OTUD7A: variants seen among roughly 807,000 people sequenced by gnomAD.
The protein encoded by OTUD7A is OTU deubiquitinase 7A.
Under a neutral mutation model 65.7 loss-of-function variants are expected in OTUD7A, and 12 were observed. The ratio of observed to expected loss-of-function variants is 0.18; its 90% CI spans 0.12 to 0.30. The LOEUF (loss-of-function observed/expected upper bound fraction) is 0.30. Among genes scored for constraint, OTUD7A ranks in the 10% least tolerant of loss-of-function variants. The pLI is 1.00. For synonymous variants in OTUD7A, 641 were observed against 586.3 expected, an observed-to-expected ratio of 1.09 and a Z score of -1.35; for missense variants, 1,148 against 1,304.8, an observed-to-expected ratio of 0.88 and a Z score of 1.85.
chr15:31,741,362 C>T (rs956414101), intron 1 of OTUD7A, among the ~76,000 whole-genome samples: 5 of 152,100 alleles, frequency 3.3e-5, no homozygotes, highest in Admixed American at 6.5e-5. Context: ...TAAGTTCTAG[C>T]GTACATGTGC....
chr15:31,547,700 G>A (rs1740214367), intron 5 of OTUD7A, among the ~76,000 whole-genome samples: 1 of 151,962 alleles, frequency 6.6e-6, no homozygotes, highest in Admixed American at 6.6e-5. Flanking sequence ...ATGTATCCCT[G>A]CATTTTACAG....
intron 7 of OTUD7A, 100 bp downstream of exon 7, chr15:31,527,081 A>G: frequency 6.5e-7 from 1 of 1,529,902 alleles, no homozygotes; most frequent in Non-Finnish European, 8.8e-7. Flanking sequence ...TCCCCTCATA[A>G]GACTGTCTGG....
chr15:31,733,742 A>G (rs980377524), intron 1 of OTUD7A, among the ~76,000 whole-genome samples: 3 of 152,206 alleles, frequency 2.0e-5, no homozygotes, highest in African/African-American at 2.4e-5. Context: ...ACAGGATGCT[A>G]TCTGAGTGCT....
chr15:31,848,444 T>C (rs1007103329), intron 1 of OTUD7A, among the ~76,000 whole-genome samples: 15 of 151,038 alleles, frequency 9.9e-5, no homozygotes, highest in African/African-American at 3.2e-4. Flanking sequence ...ACTGTGCTTT[T>C]TATTTTTAAA....
intron 5 of OTUD7A, among the ~76,000 whole-genome samples, chr15:31,553,227 A>G (rs1156577137): frequency 6.6e-6 from 1 of 152,114 alleles, no homozygotes; most frequent in African/African-American, 2.4e-5. Context: ...CCTGATTCCC[A>G]GGCCCGCACA....
chr15:31,721,071 T>C (rs1595726534), intron 1 of OTUD7A, among the ~76,000 whole-genome samples: 1 of 152,244 alleles, frequency 6.6e-6, no homozygotes, highest in Non-Finnish European at 1.5e-5. Flanking sequence ...CTATGCCATC[T>C]AGGTTTGTAC....
intron 3 of OTUD7A, among the ~76,000 whole-genome samples, chr15:31,580,240 G>T (rs371609475): frequency 6.6e-6 from 1 of 152,180 alleles, no homozygotes; most frequent in East Asian, 1.9e-4. Flanking sequence ...CAGGAGGAGA[G>T]GTCTGGTTAG....
intron 1 of OTUD7A, among the ~76,000 whole-genome samples, chr15:31,667,287 T>C (rs1017292539): frequency 6.6e-6 from 1 of 152,162 alleles, no homozygotes; most frequent in African/African-American, 2.4e-5. Context: ...TTAGTAATTG[T>C]TGTATAAACT....
intron 1 of OTUD7A, among the ~76,000 whole-genome samples, chr15:31,729,480 A>C (rs1376907633): frequency 6.6e-6 from 1 of 152,202 alleles, no homozygotes; most frequent in African/African-American, 2.4e-5. Flanking sequence ...CTTGCATTTA[A>C]AGTAGTAAAG....
intron 1 of OTUD7A, among the ~76,000 whole-genome samples, chr15:31,739,762 G>C (rs776310181): frequency 6.6e-6 from 1 of 152,062 alleles, no homozygotes; most frequent in African/African-American, 2.4e-5. Flanking sequence ...AGTAGAGATG[G>C]GTTTTTGCCA....
intron 1 of OTUD7A, among the ~76,000 whole-genome samples, chr15:31,772,043 G>A (rs981273495): frequency 7.9e-5 from 12 of 151,916 alleles, no homozygotes; most frequent in Admixed American, 7.2e-4. Flanking sequence ...ACGAGGTCAG[G>A]AGATCGAGAC....
At chr15:31,821,896 C>T (rs76587037) in intron 1 of OTUD7A, among the ~76,000 whole-genome samples, 12,301 of 152,212 alleles carry the variant, frequency 0.081, 673 homozygotes, top group Middle Eastern at 0.13. Context: ...TGTTTACTGG[C>T]CATTTGTATA....
intron 1 of OTUD7A, among the ~76,000 whole-genome samples, chr15:31,664,284 C>T (rs890167763): frequency 1.0e-5 from 1 of 97,822 alleles, no homozygotes; most frequent in Non-Finnish European, 1.9e-5. Flanking sequence ...TTTACATTCC[C>T]ACCAGAACAT....
At chr15:31,497,380 G>T (rs2041401708) in intron 10 of OTUD7A, among the ~76,000 whole-genome samples, 1 of 151,918 alleles carries the variant, frequency 6.6e-6, no homozygotes, top group African/African-American at 2.4e-5. Flanking sequence ...CTCCTGAGTA[G>T]CTGGGATTAC....
At chr15:31,542,999 A>G (rs2141136989) in intron 5 of OTUD7A, among the ~76,000 whole-genome samples, 1 of 152,106 alleles carries the variant, frequency 6.6e-6, no homozygotes, top group South Asian at 2.1e-4. Flanking sequence ...TGAACTTCAA[A>G]CAGAAGGAAG....
chr15:31,641,205 T>A (rs1436348879), intron 3 of OTUD7A, among the ~76,000 whole-genome samples: 1 of 152,094 alleles, frequency 6.6e-6, no homozygotes, highest in African/African-American at 2.4e-5. Context: ...TTGCACTCAC[T>A]CCATCCTGCT....
chr15:31,588,770 G>A lies in OTUD7A; in HGVS notation c.152-18573C>T, dbSNP rs7178923. 6.2e-3 allele frequency among the ~76,000 whole-genome samples: 940 copies of A among 152,308 alleles called. 13 individuals are homozygous for A. Among genetic ancestry groups the A allele is most frequent in the African/African-American group, 0.022 (904 of 41,554 alleles). On this transcript the variant is annotated intron_variant, in intron 3 of 12. Transcript: ENST00000307050. ...ACGTGGCTTCCAAGGCTGCCTGGGC[G>A]GCAGCAGCCCACTCAACCAGCAGGG...
chr15:31,541,632 A>G (rs1377729652), intron 5 of OTUD7A, among the ~76,000 whole-genome samples: 3 of 152,202 alleles, frequency 2.0e-5, no homozygotes, highest in Non-Finnish European at 4.4e-5. Context: ...GCTTGAAAGA[A>G]AGTGTAGTAA....
chr15:31,749,980 A>G (rs1345295131), intron 1 of OTUD7A, among the ~76,000 whole-genome samples: 5 of 152,226 alleles, frequency 3.3e-5, no homozygotes, highest in African/African-American at 7.2e-5. Flanking sequence ...ACACAAAAAA[A>G]TACAATACTT....
Sources: allele counts gnomAD v4.1 joint callset (sites outside exome capture counted in the v4.1 genomes callset), GRCh38; gene constraint gnomAD v4.1.1; transcripts MANE v1.5; gene names NCBI Gene and HGNC (gene_info 2026-07-23, HGNC 2026-07-21).